The following SPDYE17 variants were observed in gnomAD, a reference collection of about 807,000 sequenced individuals.
SPDYE17 encodes speedy protein E17.
For synonymous variants in SPDYE17, 4 were observed against 14.8 expected, an observed-to-expected ratio of 0.27 and a Z score of 1.68; for missense variants, 7 against 38.0, an observed-to-expected ratio of 0.18 and a Z score of 2.15.
At chr7:77,029,775 C>G (rs1477123161) in intron 2 of SPDYE17, among the ~76,000 whole-genome samples, 1 of 113,942 alleles carries the variant, frequency 8.8e-6, no homozygotes, top group Non-Finnish European at 1.7e-5. Flanking sequence ...GGTGCAATCT[C>G]AGCTCACTGC....
Position 77,025,041 on chromosome 7 carries a change from C to T in SPDYE17, c.565G>A (p.Glu189Lys). The change falls in exon 6 of 8, where the codon GAG (glutamate) becomes AAG (lysine). Residue 189 changes from glutamate to lysine, a missense_variant. Glu to Lys is a moderately conservative substitution (Grantham distance 56). Transcript: ENST00000671986. Reference protein sequence around the residue: ...KQNIFYFLYEETRSHIPLLSE... With the variant: ...KQNIFYFLYEKTRSHIPLLSE... ...AGCAAGGGTATATGAGAGCGGGTCTCCTCGTACAGGAAGTAGAAGATGTTT... is the reference window on the plus strand; with the variant it reads ...AGCAAGGGTATATGAGAGCGGGTCTTCTCGTACAGGAAGTAGAAGATGTTT... 2 of 43,706 alleles carry T rather than the reference C, an allele frequency of 4.6e-5. No individual in the cohort carries two copies. Among genetic ancestry groups the T allele is most frequent in the Non-Finnish European group, 6.8e-5 (2 of 29,276 alleles). 2.7% of individuals were successfully genotyped at this position (43,706 alleles called of 1,614,324 possible). A position where few individuals can be genotyped will look rare whatever the true frequency, so the allele number is the denominator to read the frequency against.
intron 2 of SPDYE17, among the ~76,000 whole-genome samples, chr7:77,030,080 CTTTTTTTTT>C (rs761251656): frequency 2.2e-5 from 1 of 45,312 alleles, no homozygotes; most frequent in African/African-American, 2.1e-4. Flanking sequence ...TTTGTTTCTT[CTTTTTTTTT>C]TTTTTTTTTT....
At position 77,028,179 on chromosome 7, in the gene SPDYE17, A is replaced by C; in HGVS notation, c.371T>G (p.Leu124Arg). Residue 124 changes from leucine (L) to arginine (R), a missense_variant, in exon 4 of 8, where the codon CTC becomes CGC. By Grantham distance (102) the Leu-to-Arg change is moderately radical. Transcript: ENST00000671986. ...CCTCAGATCTTTGTCCCAGGCCAGG[A>C]GTCTTTTAATGACAGGATCCTCTGT... The part of the protein sequence containing the change: ...RLLEDPVIKR[L>R]LAWDKDLRVS... The C allele has an allele frequency of 7.5e-7, 1 of 1,341,536 alleles. No individual in the cohort carries two copies. The highest frequency in any genetic ancestry group is 9.8e-7 in the Non-Finnish European group (1 of 1,024,046). The allele number at this position is 1,341,536 out of a possible 1,614,324, so 83.1% of individuals were successfully genotyped here.
Position 77,024,938 on chromosome 7 carries a change from C to T in SPDYE17, c.668G>A (p.Arg223Gln). The T allele has an allele frequency of 9.5e-5, 3 of 31,666 alleles. No individual in the cohort carries two copies. The highest frequency in any genetic ancestry group is 1.4e-4 in the Non-Finnish European group (3 of 21,376). 2.0% of individuals were successfully genotyped at this position (31,666 alleles called of 1,614,324 possible). The change falls in exon 6 of 8, where the codon CGG (arginine) becomes CAG (glutamine). Residue 223 changes from arginine to glutamine, a missense_variant. By Grantham distance (43) the Arg-to-Gln change is conservative (BLOSUM62 1). Coordinates refer to ENST00000671986, the MANE Select transcript of SPDYE17 (RefSeq NM_001351351.3). ...RKNCSQIALFRKYRFHFFCSM... is the reference protein window; with the variant it reads ...RKNCSQIALFQKYRFHFFCSM... ...ACAAAAGAAGTGGAACCGATACTTC[C>T]GGAACAAGGCTATCTGAGAGCAGTT...
rs976686403 is a variant in SPDYE17 at position 77,032,230 on chromosome 7, CAAAA to C, written c.-454+6_-454+9del. 3.1e-4 allele frequency among the ~76,000 whole-genome samples: 37 copies of C among 119,660 alleles called. 4 individuals carry two copies. The highest frequency in any genetic ancestry group is 3.0e-4 in the Non-Finnish European group (18 of 59,282). 78.5% of individuals were successfully genotyped at this position (119,660 alleles called of 152,430 possible). ...CATCTCAAAAAAAAAAAAAAACAAA[CAAAA>C]AGAACCTGTGGATGAGTTCCCACAT... is the stretch of plus-strand genomic sequence containing the variant. On this transcript the variant is annotated splice_donor_region_variant and intron_variant, in intron 1 of 7. Coordinates refer to ENST00000671986, the MANE Select transcript of SPDYE17 (RefSeq NM_001351351.3).
intron 4 of SPDYE17, 64 bp downstream of exon 4, chr7:77,028,078 A>C: frequency 7.5e-7 from 1 of 1,333,756 alleles, no homozygotes; most frequent in Non-Finnish European, 1.0e-6. Flanking sequence ...TGGGTTTGGA[A>C]GCTGCGCCCT....
intron 5 of SPDYE17, among the ~76,000 whole-genome samples, chr7:77,026,050 A>G (rs1789426924): frequency 7.7e-6 from 1 of 130,080 alleles, no homozygotes; most frequent in Non-Finnish European, 1.6e-5. Context: ...TCACATTATA[A>G]TAGGATGTAA....
intron 5 of SPDYE17, chr7:77,025,839 G>A (rs1339988675): frequency 6.9e-6 from 1 of 145,236 alleles, no homozygotes; most frequent in Non-Finnish European, 1.5e-5. Flanking sequence ...GCTGAGGTGG[G>A]AGGATCGCTT....
chr7:77,026,129 G>A (rs1428453745), intron 5 of SPDYE17, among the ~76,000 whole-genome samples: 3 of 131,766 alleles, frequency 2.3e-5, no homozygotes, highest in African/African-American at 5.9e-5. Flanking sequence ...GAGGTGAACC[G>A]ACTTCAAGGA....
chr7:77,026,592 G>T (rs1476603330), intron 5 of SPDYE17, among the ~76,000 whole-genome samples: 4 of 149,096 alleles, frequency 2.7e-5, no homozygotes, highest in Admixed American at 6.9e-5. Flanking sequence ...TGCTTGCTGG[G>T]GGAAGTGTCA....
intron 5 of SPDYE17, chr7:77,025,749 A>G (rs1451976461): frequency 5.4e-5 from 2 of 36,764 alleles, no homozygotes; most frequent in Admixed American, 3.0e-4. Flanking sequence ...TGTCTTGATA[A>G]ATAAATAAAT....
intron 2 of SPDYE17, among the ~76,000 whole-genome samples, chr7:77,029,926 C>T (rs1215668050): frequency 8.4e-5 from 10 of 119,492 alleles, no homozygotes; most frequent in Middle Eastern, 5.1e-3. Context: ...AGGCTGGTCT[C>T]AAACTCCTGG....
chr7:77,026,510 G>A (rs1299209597), intron 5 of SPDYE17, among the ~76,000 whole-genome samples: 3 of 150,132 alleles, frequency 2.0e-5, no homozygotes, highest in Admixed American at 6.8e-5. Flanking sequence ...CCTCTGTCAC[G>A]GGAACCCGGA....
chr7:77,026,206 A>G (rs781015283), intron 5 of SPDYE17, among the ~76,000 whole-genome samples: 1 of 140,560 alleles, frequency 7.1e-6, no homozygotes, highest in Non-Finnish European at 1.5e-5. Flanking sequence ...ATGCAAAGTC[A>G]AGTGGAGGGC....
intron 2 of SPDYE17, 114 bp from the exon 3 acceptor site, chr7:77,029,565 C>T (rs2117282404): frequency 1.8e-5 from 1 of 55,140 alleles, no homozygotes; most frequent in Non-Finnish European, 3.1e-5. Flanking sequence ...CTGCTGGCTT[C>T]TCCAAGCCAC....
intron 5 of SPDYE17, chr7:77,025,690 G>A (rs1162799415): frequency 7.7e-6 from 1 of 129,846 alleles, no homozygotes; most frequent in Non-Finnish European, 1.6e-5. Flanking sequence ...GTTGCAGTGA[G>A]CCAAGATTGG....
At chr7:77,026,044 A>G (rs865996689) in intron 5 of SPDYE17, among the ~76,000 whole-genome samples, 22 of 127,274 alleles carry the variant, frequency 1.7e-4, no homozygotes, top group African/African-American at 3.3e-4. Context: ...CCAATGTCAC[A>G]TTATAATAGG....
intron 5 of SPDYE17, among the ~76,000 whole-genome samples, chr7:77,026,603 T>C (rs1019315353): frequency 2.0e-5 from 3 of 148,158 alleles, no homozygotes; most frequent in African/African-American, 7.4e-5. Context: ...GGAAGTGTCA[T>C]GTCCGCTCCT....
At chr7:77,025,666 C>A (rs1398130656) in intron 5 of SPDYE17, 1 of 128,206 alleles carries the variant, frequency 7.8e-6, no homozygotes, top group Non-Finnish European at 1.6e-5. Context: ...ATTGTGTGAA[C>A]CCAGGAGGCG....
Sources: allele counts gnomAD v4.1 joint callset (sites outside exome capture counted in the v4.1 genomes callset), GRCh38; gene constraint gnomAD v4.1.1; transcripts MANE v1.5; gene names NCBI Gene and HGNC (gene_info 2026-07-23, HGNC 2026-07-21).